Variants in WDR49 observed in about 807,000 individuals in gnomAD.
The protein encoded by WDR49 is cilia- and flagella-associated protein 337.
Under a neutral mutation model 119.5 loss-of-function variants are expected in WDR49, and 107 were observed. The ratio of observed to expected loss-of-function variants is 0.90; its 90% CI spans 0.77 to 1.05. The LOEUF (loss-of-function observed/expected upper bound fraction) is 1.05, where lower values mean the gene tolerates loss of function less well. Among genes scored for constraint, WDR49 ranks in the 50% least tolerant of loss-of-function variants. The pLI, the probability that WDR49 is intolerant of heterozygous loss-of-function variation, is 0.00. For missense variants in WDR49, 1,240 were observed against 1,220.5 expected (o/e 1.02, Z -0.24); for synonymous variants, 425 against 418.8 (o/e 1.01, Z -0.18).
chr3:167,550,778 TGAG>T (rs1306809527), intron 10 of WDR49, among the ~76,000 whole-genome samples: 1 of 144,016 alleles, frequency 6.9e-6, no homozygotes, highest in African/African-American at 2.6e-5. Flanking sequence ...TTTTTTTTTT[TGAG>T]AGAGAGAGAG....
intron 14 of WDR49, 32 bp from the exon 15 acceptor site, chr3:167,528,049 A>C (rs1752699577): frequency 6.4e-7 from 1 of 1,571,858 alleles, no homozygotes; most frequent in Non-Finnish European, 8.7e-7. Context: ...AACTCTAAAA[A>C]ATTCAAATAT....
Position 167,604,353 on chromosome 3 carries a change from G to C in WDR49, c.1074C>G (p.Asn358Lys). The C allele has an allele frequency of 6.2e-7, 1 of 1,613,818 alleles. No homozygotes were observed. Among genetic ancestry groups the C allele is most frequent in the Non-Finnish European group, 8.5e-7 (1 of 1,179,884 alleles). ...SKKRLNMTSF[N>K]IAQGIHAFDY... ...CAAAAGCATGAATGCCCTGGGCAATGTTGAAGGATGTCATATTAAGACGCT... is the reference window on the plus strand; with the variant it reads ...CAAAAGCATGAATGCCCTGGGCAATCTTGAAGGATGTCATATTAAGACGCT... The change falls in exon 6 of 19, where the codon AAC (asparagine) becomes AAG (lysine). Residue 358 changes from asparagine to lysine, a missense_variant. Asn to Lys is a moderately conservative substitution (Grantham distance 94). Coordinates refer to ENST00000682715, the MANE Select transcript of WDR49 (RefSeq NM_001366157.1).
intron 17 of WDR49, among the ~76,000 whole-genome samples, chr3:167,503,340 G>C (rs1751647278): frequency 1.3e-5 from 2 of 152,334 alleles, no homozygotes; most frequent in East Asian, 3.9e-4. Context: ...TAGTGTTACT[G>C]GGGTGTCCTT....
At chr3:167,525,273 C>T (rs943825309) in intron 15 of WDR49, among the ~76,000 whole-genome samples, 1 of 152,058 alleles carries the variant, frequency 6.6e-6, no homozygotes, top group Non-Finnish European at 1.5e-5. Flanking sequence ...TGAGACTTTG[C>T]TGAAGTTCTT....
chr3:167,604,267 G>T (rs939116015), intron 6 of WDR49, 34 bp downstream of exon 6: 12 of 1,608,140 alleles, frequency 7.5e-6, no homozygotes, highest in Non-Finnish European at 9.3e-6. Flanking sequence ...CTATTTATGA[G>T]GCCCTCATAG....
intron 8 of WDR49, among the ~76,000 whole-genome samples, chr3:167,565,771 G>A (rs1458284900): frequency 6.6e-6 from 1 of 152,106 alleles, no homozygotes; most frequent in Non-Finnish European, 1.5e-5. Flanking sequence ...CCTGCGGTCA[G>A]TGCACAGAGA....
intron 16 of WDR49, among the ~76,000 whole-genome samples, chr3:167,513,143 C>T (rs115406459): frequency 0.026 from 3,986 of 152,214 alleles, 81 homozygotes; most frequent in East Asian, 0.065. Flanking sequence ...CCCCAAGACA[C>T]ATAATCCTCA....
intron 3 of WDR49, among the ~76,000 whole-genome samples, chr3:167,626,416 T>A (rs2108326684): frequency 6.6e-6 from 1 of 152,190 alleles, no homozygotes; most frequent in African/African-American, 2.4e-5. Flanking sequence ...GTATGTTATC[T>A]TTCTGAGAGG....
At chr3:167,596,126 C>A (rs1371539198) in intron 7 of WDR49, among the ~76,000 whole-genome samples, 1 of 150,262 alleles carries the variant, frequency 6.7e-6, no homozygotes, top group South Asian at 2.1e-4. Flanking sequence ...AAAATGCTCA[C>A]CATCACTGGC....
rs61247447 is a variant in WDR49 at position 167,563,353 on chromosome 3, CAAAAAAAAAAA to C, written c.1510-3136_1510-3126del. 9.3e-4 allele frequency among the ~76,000 whole-genome samples: 52 copies of C among 55,892 alleles called. 1 individual carries two copies. In the South Asian group the frequency reaches 0.036, roughly 39 times the overall value. The allele number at this position is 55,892 out of a possible 152,430, so 36.7% of individuals were successfully genotyped here. ...TGGGCTACAGAGCGAGATTCTGAAT[CAAAAAAAAAAA>C]AAAAAAAAAAAAAGAAAGAAACCTG... is the stretch of plus-strand genomic sequence containing the variant. On this transcript the variant is annotated intron_variant, in intron 8 of 18. Transcript: ENST00000682715.
chr3:167,483,530 T>C (rs1277866409), intron 18 of WDR49, among the ~76,000 whole-genome samples: 1 of 152,184 alleles, frequency 6.6e-6, no homozygotes, highest in African/African-American at 2.4e-5. Flanking sequence ...AAAGTACATA[T>C]GCAGGGGTGG....
intron 2 of WDR49, 64 bp downstream of exon 2, chr3:167,653,197 G>GT (rs1647466226): frequency 6.7e-7 from 1 of 1,489,050 alleles, no homozygotes; most frequent in Non-Finnish European, 9.0e-7. Context: ...AAATATCTCT[G>GT]TGTTTCATTC....
At chr3:167,540,817 TG>T (rs1486639972) in intron 10 of WDR49, among the ~76,000 whole-genome samples, 1 of 151,312 alleles carries the variant, frequency 6.6e-6, no homozygotes, top group African/African-American at 2.4e-5. Context: ...AGGATATGGA[TG>T]AAAAAATGGT....
intron 18 of WDR49, among the ~76,000 whole-genome samples, chr3:167,481,066 C>CAA (rs34399475): frequency 0.31 from 42,565 of 135,456 alleles, 7,622 homozygotes; most frequent in African/African-American, 0.53. Flanking sequence ...ATATTTCAAG[C>CAA]AAAAAAAAAA....
chr3:167,518,391 T>A (rs1189665538), intron 16 of WDR49, among the ~76,000 whole-genome samples: 6 of 152,150 alleles, frequency 3.9e-5, no homozygotes, highest in African/African-American at 9.6e-5. Context: ...CCTCTCCGGC[T>A]CCTGTTGTTT....
intron 7 of WDR49, among the ~76,000 whole-genome samples, chr3:167,585,887 C>G (rs1174610454): frequency 6.6e-6 from 1 of 152,050 alleles, no homozygotes; most frequent in Non-Finnish European, 1.5e-5. Flanking sequence ...GGAATATTTA[C>G]TTTTTGCACT....
At position 167,576,143 on chromosome 3, in the gene WDR49, TCTCAAAA is replaced by T. The variant is rs1714241193; in HGVS notation, c.1277_1283del (p.Val426AspfsTer14). Reference sequence around the variant, plus strand: ...ACAGCTGGTGTTGAATATCCCAGAGTCTCAAAACCTGGATGAAAAGTGATAAAATCAT... The same window carrying T: ...ACAGCTGGTGTTGAATATCCCAGAGTCCTGGATGAAAAGTGATAAAATCAT... On this transcript the variant is annotated frameshift_variant and splice_region_variant, in exon 8 of 19. Coordinates refer to ENST00000682715, the MANE Select transcript of WDR49 (RefSeq NM_001366157.1). LOFTEE classifies it high-confidence loss of function. 1 of 1,612,864 alleles carries T rather than the reference TCTCAAAA, an allele frequency of 6.2e-7. No individual in the cohort carries two copies. Among genetic ancestry groups the T allele is most frequent in the South Asian group, 1.1e-5 (1 of 90,904 alleles).
intron 16 of WDR49, among the ~76,000 whole-genome samples, chr3:167,508,595 C>T (rs887701907): frequency 6.6e-6 from 1 of 152,086 alleles, no homozygotes; most frequent in Non-Finnish European, 1.5e-5. Context: ...AGTTCTAACA[C>T]CCCCCTACAG....
At chr3:167,640,243 C>T (rs907114057) in intron 2 of WDR49, among the ~76,000 whole-genome samples, 1 of 151,852 alleles carries the variant, frequency 6.6e-6, no homozygotes, top group Non-Finnish European at 1.5e-5. Flanking sequence ...CTGGATACAA[C>T]CTTCTCCCAC....
Sources: gnomAD v4.1 joint callset for allele counts (sites outside exome capture counted in the v4.1 genomes callset) on GRCh38, gnomAD v4.1.1 for gene constraint, MANE v1.5 for transcripts, NCBI Gene and HGNC (gene_info 2026-07-23, HGNC 2026-07-21) for gene names.